PTPRG: variants seen among roughly 807,000 people sequenced by gnomAD.
PTPRG encodes protein tyrosine phosphatase receptor type G.
In PTPRG, 102 loss-of-function variants were observed where a neutral mutation model predicts 165.3. That is an observed-to-expected ratio of 0.62 (90% confidence interval 0.53 to 0.73). The LOEUF (loss-of-function observed/expected upper bound fraction) is 0.73. PTPRG is among the 30% of genes least tolerant of loss of function. The pLI, the probability that PTPRG is intolerant of heterozygous loss-of-function variation, is 0.00. For synonymous variants in PTPRG, 675 were observed against 669.5 expected (o/e 1.01, Z -0.13); for missense variants, 1,866 against 1,861.4 (o/e 1.00, Z -0.05).
chr3:61,964,875 T>C (rs1264016132), intron 2 of PTPRG, among the ~76,000 whole-genome samples: 1 of 152,088 alleles, frequency 6.6e-6, no homozygotes, highest in Non-Finnish European at 1.5e-5. Flanking sequence ...GGAAACGCAG[T>C]CTAGATTAGT....
chr3:61,658,482 C>T (rs1702571921), intron 1 of PTPRG, among the ~76,000 whole-genome samples: 1 of 152,158 alleles, frequency 6.6e-6, no homozygotes, highest in South Asian at 2.1e-4. Flanking sequence ...AGTTAGATAA[C>T]AATTTGAGCT....
At chr3:61,935,678 C>T (rs62243239) in intron 2 of PTPRG, among the ~76,000 whole-genome samples, 16,052 of 147,804 alleles carry the variant, frequency 0.11, 1,279 homozygotes, top group East Asian at 0.43. Flanking sequence ...TTCTTATTCT[C>T]GGAGTCCCTT....
At chr3:61,735,561 G>T (rs1190630424) in intron 1 of PTPRG, among the ~76,000 whole-genome samples, 4 of 151,092 alleles carry the variant, frequency 2.6e-5, no homozygotes, top group Non-Finnish European at 5.9e-5. Context: ...AAATGCCGGG[G>T]ACAGGCCTAC....
In PTPRG at chr3:62,293,406, T is replaced by C. The variant is rs1249165108; in HGVS notation, c.*99T>C. The C allele has an allele frequency of 9.5e-7, 1 of 1,056,448 alleles. No homozygotes were observed. Among genetic ancestry groups the C allele is most frequent in the African/African-American group, 1.6e-5 (1 of 61,394 alleles). The allele number at this position is 1,056,448 out of a possible 1,614,324, so 65.4% of individuals were successfully genotyped here. A position where few individuals can be genotyped will look rare whatever the true frequency, so the allele number is the denominator to read the frequency against. ...ACTCTAGGTTATACAATAACCCAGT[T>C]ACTTTTTTACACTGATAAAAGTTTT... On this transcript the variant is annotated 3_prime_UTR_variant, in exon 30 of 30. Transcript: ENST00000474889.
intron 1 of PTPRG, among the ~76,000 whole-genome samples, chr3:61,690,145 C>CGACAATGGACTTTACTTGTTACTTGT (rs1240884440): frequency 5.3e-5 from 8 of 152,180 alleles, no homozygotes; most frequent in African/African-American, 1.9e-4. Flanking sequence ...TATCCGCAAC[C>CGACAATGGACTTTACTTGTTACTTGT]GACAATGGAC....
At chr3:61,784,007 T>C (rs1478206109) in intron 2 of PTPRG, among the ~76,000 whole-genome samples, 1 of 152,082 alleles carries the variant, frequency 6.6e-6, no homozygotes, top group Non-Finnish European at 1.5e-5. Flanking sequence ...TTAGCTTAGA[T>C]GACTGAAGGA....
At chr3:62,183,604 C>A (rs896221264) in intron 8 of PTPRG, among the ~76,000 whole-genome samples, 9 of 151,392 alleles carry the variant, frequency 5.9e-5, no homozygotes, top group African/African-American at 2.2e-4. Context: ...AGAATGAAGG[C>A]CTTGGTGGGT....
At chr3:61,716,515 G>A (rs1025616947) in intron 1 of PTPRG, among the ~76,000 whole-genome samples, 22 of 152,068 alleles carry the variant, frequency 1.4e-4, no homozygotes, top group African/African-American at 4.6e-4. Flanking sequence ...AAAGAAAGTG[G>A]TATATTTATT....
intron 5 of PTPRG, among the ~76,000 whole-genome samples, chr3:62,094,485 T>A (rs1236357125): frequency 1.3e-5 from 2 of 152,198 alleles, no homozygotes; most frequent in African/African-American, 4.8e-5. Context: ...GCTTCGTGTT[T>A]TCCACTAGTC....
At chr3:61,838,804 A>G (rs890358630) in intron 2 of PTPRG, among the ~76,000 whole-genome samples, 4 of 152,108 alleles carry the variant, frequency 2.6e-5, no homozygotes, top group Non-Finnish European at 4.4e-5. Flanking sequence ...TGTCATTTGG[A>G]ATTAGTTCTT....
intron 2 of PTPRG, among the ~76,000 whole-genome samples, chr3:61,918,801 C>G (rs2039005956): frequency 6.6e-6 from 1 of 152,150 alleles, no homozygotes; most frequent in Non-Finnish European, 1.5e-5. Context: ...CTACCTCTCT[C>G]CTTTGTTTTT....
chr3:62,008,204 T>G (rs2041341380), intron 4 of PTPRG, among the ~76,000 whole-genome samples: 1 of 152,232 alleles, frequency 6.6e-6, no homozygotes, highest in African/African-American at 2.4e-5. Flanking sequence ...GTATTTCCAC[T>G]AATAACCAAA....
chr3:61,711,577 G>A (rs374721129), intron 1 of PTPRG, among the ~76,000 whole-genome samples: 2 of 152,274 alleles, frequency 1.3e-5, no homozygotes, highest in South Asian at 2.1e-4. Flanking sequence ...CTTTTGAGAA[G>A]TGTCTGTTCA....
intron 5 of PTPRG, among the ~76,000 whole-genome samples, chr3:62,100,260 A>G (rs1387732771): frequency 6.6e-6 from 1 of 152,168 alleles, no homozygotes; most frequent in Admixed American, 6.5e-5. Flanking sequence ...CTATGACCCA[A>G]TTCTCAGCTC....
intron 1 of PTPRG, among the ~76,000 whole-genome samples, chr3:61,695,530 C>T (rs2030522113): frequency 1.3e-5 from 2 of 152,144 alleles, no homozygotes; most frequent in Admixed American, 6.5e-5. Flanking sequence ...ATTTCTGTTC[C>T]CTTTCTACCT....
At chr3:62,169,098 TG>T (rs1055706041) in intron 8 of PTPRG, among the ~76,000 whole-genome samples, 8 of 152,162 alleles carry the variant, frequency 5.3e-5, no homozygotes, top group African/African-American at 1.4e-4. Context: ...GCCTGGGGTC[TG>T]GGGTTTATAT....
In PTPRG at chr3:62,255,168, G is replaced by T. The variant is rs72878145; in HGVS notation, c.2512G>T (p.Gly838Cys). 6.8e-6 allele frequency: 11 copies of T among 1,613,228 alleles called. No individual in the cohort carries two copies. The highest frequency in any genetic ancestry group is 9.3e-6 in the Non-Finnish European group (11 of 1,179,568). The change falls in exon 16 of 30, where the codon GGT (glycine) becomes TGT (cysteine). Residue 838 changes from glycine to cysteine, a missense_variant. Physicochemically the swap from Gly to Cys is radical, Grantham distance 159. This residue lies in a region of PTPRG where 1,452 missense variants were observed against 1,463.0 expected (regional missense o/e 0.99). Coordinates refer to ENST00000474889, the MANE Select transcript of PTPRG (RefSeq NM_002841.4). This position sits in a 1 kb window ranked among gnomAD's most constrained non-coding sequence, Gnocchi z 4.0. ...IPVKQFVKHI[G>C]ELYSNNQHGF... is the part of the protein sequence containing the mutation. ...TGTCAAACAGTTTGTCAAACACATC[G>T]GTGAGCTCTATTCTAATAACCAGCA...
intron 4 of PTPRG, among the ~76,000 whole-genome samples, chr3:62,046,646 C>T (rs1700301798): frequency 6.6e-6 from 1 of 152,134 alleles, no homozygotes; most frequent in South Asian, 2.1e-4. Context: ...TACTGTCTCT[C>T]ATCATTAGGT....
At chr3:61,766,617 A>ATTTT in intron 2 of PTPRG, among the ~76,000 whole-genome samples, 1 of 109,776 alleles carries the variant, frequency 9.1e-6, no homozygotes, top group African/African-American at 3.2e-5. Flanking sequence ...GTTAAAAAAA[A>ATTTT]TTTTTTTTTT....
Sources: allele counts gnomAD v4.1 joint callset (sites outside exome capture counted in the v4.1 genomes callset), GRCh38; gene constraint gnomAD v4.1.1; regional missense constraint gnomAD v4.1.1; non-coding constraint Gnocchi (gnomAD v3.1); transcripts MANE v1.5; gene names NCBI Gene and HGNC (gene_info 2026-07-23, HGNC 2026-07-21).